The following TCF12 variants were observed in gnomAD, a reference collection of about 807,000 sequenced individuals.
TCF12 encodes DNA-binding protein HTF4.
A neutral mutation model predicts 86.0 loss-of-function variants in TCF12; 45 were observed. The observed-to-expected ratio is 0.52, with a 90% CI of 0.41 to 0.67. TCF12 has a LOEUF of 0.67. TCF12 is among the 30% of genes least tolerant of loss of function. The pLI is 0.00. For missense variants in TCF12, 881 were observed against 859.9 expected, an observed-to-expected ratio of 1.02 and a Z score of -0.31; for synonymous variants, 330 against 299.6, an observed-to-expected ratio of 1.10 and a Z score of -1.05.
chr15:57,210,062 T>C lies in TCF12; in HGVS notation c.579+12237T>C, dbSNP rs114889381. Reference sequence around the variant, plus strand: ...ACCTCCTCACTCTTTTCCTGATGTATTTTTCTCTACAGTACTTCATACAAT... The same window carrying C: ...ACCTCCTCACTCTTTTCCTGATGTACTTTTCTCTACAGTACTTCATACAAT... On this transcript the variant is annotated intron_variant, in intron 8 of 20. Transcript: ENST00000333725. Among the ~76,000 whole-genome samples the C allele has an allele frequency of 2.3e-3, 348 of 152,242 alleles. 6 individuals carry two copies. The highest frequency in any genetic ancestry group is 7.9e-3 in the African/African-American group (330 of 41,540).
chr15:56,968,116 C>G (rs1224593241), intron 3 of TCF12, among the ~76,000 whole-genome samples: 1 of 152,034 alleles, frequency 6.6e-6, no homozygotes, highest in Admixed American at 6.5e-5. Context: ...GCCACAACGC[C>G]TGGCTAATTT....
At chr15:57,032,240 A>G (rs150216710) in intron 3 of TCF12, among the ~76,000 whole-genome samples, 111 of 152,312 alleles carry the variant, frequency 7.3e-4, no homozygotes, top group African/African-American at 2.6e-3. Context: ...TAGACTTACC[A>G]TTGGATGGCA....
intron 3 of TCF12, among the ~76,000 whole-genome samples, chr15:57,022,594 A>G (rs995514248): frequency 3.9e-5 from 6 of 152,158 alleles, no homozygotes; most frequent in Admixed American, 1.3e-4. Context: ...TAATGGGATC[A>G]CTGGGTCAAA....
intron 13 of TCF12, chr15:57,247,345 A>G (rs2059912144): frequency 9.1e-6 from 6 of 656,214 alleles, no homozygotes; most frequent in Non-Finnish European, 1.7e-5. Flanking sequence ...CACCACAGCC[A>G]AAACTACCTC....
intron 4 of TCF12, among the ~76,000 whole-genome samples, chr15:57,077,369 G>GTA (rs2070190012): frequency 1.0e-5 from 1 of 97,646 alleles, no homozygotes; most frequent in Non-Finnish European, 1.8e-5. Flanking sequence ...GTGTGTGTGT[G>GTA]TGTGTATATA....
intron 5 of TCF12, among the ~76,000 whole-genome samples, chr15:57,094,392 T>C (rs1211477835): frequency 2.0e-5 from 3 of 152,196 alleles, no homozygotes; most frequent in Non-Finnish European, 4.4e-5. Context: ...GTGTAAACAA[T>C]CTGCACGACA....
chr15:57,020,694 G>A (rs2065425147), intron 3 of TCF12, among the ~76,000 whole-genome samples: 1 of 152,124 alleles, frequency 6.6e-6, no homozygotes, highest in African/African-American at 2.4e-5. Context: ...TGTTTAATTG[G>A]TTTATTTTTT....
rs572827761 is a variant in TCF12, at chr15:57,068,030, T to G, written c.222+4207T>G. Among the ~76,000 whole-genome samples the G allele has an allele frequency of 1.3e-3, 194 of 152,166 alleles. 1 individual carries two copies. The highest frequency in any genetic ancestry group is 4.4e-3 in the African/African-American group (181 of 41,422). On this transcript the variant is annotated intron_variant, in intron 4 of 20. Coordinates refer to ENST00000333725, the MANE Select transcript of TCF12 (RefSeq NM_207037.2). ...GTTCACTAAGGTGTTAATGACTTAC[T>G]CTAGTTTCAGATTTTTTTTTTCTCT...
chr15:57,254,002 A>C (rs1327134117), intron 16 of TCF12, among the ~76,000 whole-genome samples: 3 of 150,648 alleles, frequency 2.0e-5, no homozygotes, highest in African/African-American at 7.3e-5. Flanking sequence ...TCTTTTAAAA[A>C]AGTATGATAA....
At chr15:57,210,901 A>G (rs1240821317) in intron 8 of TCF12, among the ~76,000 whole-genome samples, 3 of 152,226 alleles carry the variant, frequency 2.0e-5, no homozygotes, top group African/African-American at 4.8e-5. Flanking sequence ...CAAAAGGAGC[A>G]AAGAAACAAG....
chr15:57,122,021 C>T (rs1165507878), intron 5 of TCF12, among the ~76,000 whole-genome samples: 2 of 149,294 alleles, frequency 1.3e-5, no homozygotes, highest in African/African-American at 4.9e-5. Flanking sequence ...ATTTAGCCAA[C>T]ATTTATTGTC....
rs1462402603 is a variant in TCF12, at chr15:57,232,425, C to T, written c.820C>T (p.Arg274Cys). The T allele has an allele frequency of 3.7e-6, 6 of 1,604,724 alleles. No individual in the cohort carries two copies. Among genetic ancestry groups the T allele is most frequent in the South Asian group, 1.1e-5 (1 of 89,034 alleles). The change falls in exon 10 of 21, where the codon CGC (arginine) becomes TGC (cysteine). Residue 274 changes from arginine (R) to cysteine (C), a missense_variant. Physicochemically the swap from Arg to Cys is radical, Grantham distance 180. This residue lies in a region of TCF12 where 766 missense variants were observed against 718.9 expected (regional missense o/e 1.07). Coordinates refer to ENST00000333725, the MANE Select transcript of TCF12 (RefSeq NM_207037.2). ...TTATGGCAACCTTCATTCACATGAC[C>T]GCTTGGTAGGCTATAACACGTGACT... is the stretch of plus-strand genomic sequence containing the variant. ...SSYGNLHSHD[R>C]LSYPPHSVSP...
At chr15:57,248,683 A>G (rs2059972370) in intron 13 of TCF12, among the ~76,000 whole-genome samples, 1 of 152,248 alleles carries the variant, frequency 6.6e-6, no homozygotes, top group Non-Finnish European at 1.5e-5. Context: ...GCATGCTTTA[A>G]CAAAGTGCGT....
intron 3 of TCF12, among the ~76,000 whole-genome samples, chr15:56,979,759 A>G (rs1044106199): frequency 2.6e-5 from 4 of 152,214 alleles, no homozygotes; most frequent in Admixed American, 1.3e-4. Flanking sequence ...GAGATTGTGC[A>G]TCAAAGTTCT....
chr15:57,262,251 A>G lies in TCF12; in HGVS notation c.1582+43A>G, dbSNP rs759816519. On this transcript the variant is annotated intron_variant, in intron 17 of 20. Coordinates refer to ENST00000333725, the MANE Select transcript of TCF12 (RefSeq NM_207037.2). ...TTTCAGAAATAATGCAGACAGAGAT[A>G]TCATTTGGAACACTGTCACCTTTCT... The G allele has an allele frequency of 5.2e-6, 7 of 1,345,392 alleles. No homozygotes were observed. The East Asian group carries it at 7.2e-5, about 14-fold the overall frequency. 83.3% of individuals were successfully genotyped at this position (1,345,392 alleles called of 1,614,324 possible). A position where few individuals can be genotyped will look rare whatever the true frequency, so the allele number is the denominator to read the frequency against.
At chr15:56,931,060 C>T (rs2140264897) in intron 3 of TCF12, among the ~76,000 whole-genome samples, 1 of 152,218 alleles carries the variant, frequency 6.6e-6, no homozygotes, top group East Asian at 1.9e-4. Flanking sequence ...TCTCCTCCTC[C>T]TCTCCCTCGT....
chr15:57,041,291 A>G (rs2066880739), intron 3 of TCF12, among the ~76,000 whole-genome samples: 1 of 152,170 alleles, frequency 6.6e-6, no homozygotes, highest in African/African-American at 2.4e-5. Flanking sequence ...AGTACGTTAA[A>G]ATTGGATGTT....
chr15:57,142,197 A>T (rs1312315497), intron 5 of TCF12, among the ~76,000 whole-genome samples: 1 of 152,206 alleles, frequency 6.6e-6, no homozygotes, highest in East Asian at 1.9e-4. Context: ...TAAAAGACCC[A>T]TTATCGCTAT....
In TCF12 at chr15:56,995,231, C is replaced by CTTTTTTTTTTTTTTTTTTTTTTT. The variant is rs557610511; in HGVS notation, c.149-68513_149-68491dup. ...AAGTCAGGTAATGTGATACCTGCAG[C>CTTTTTTTTTTTTTTTTTTTTTTT]TTTTTTTTTTTTTTTTTTTTTTTTT... On this transcript the variant is annotated intron_variant, in intron 3 of 20. Coordinates refer to ENST00000333725, the MANE Select transcript of TCF12 (RefSeq NM_207037.2). Among the ~76,000 whole-genome samples the CTTTTTTTTTTTTTTTTTTTTTTT allele has an allele frequency of 7.6e-4, 23 of 30,304 alleles. 4 individuals carry two copies. The highest frequency in any genetic ancestry group is 9.9e-4 in the African/African-American group (8 of 8,114). 19.9% of individuals were successfully genotyped at this position (30,304 alleles called of 152,430 possible).
Sources: gnomAD v4.1 joint callset for allele counts (sites outside exome capture counted in the v4.1 genomes callset) on GRCh38, gnomAD v4.1.1 for gene constraint, gnomAD v4.1.1 regional missense constraint, MANE v1.5 for transcripts, NCBI Gene and HGNC (gene_info 2026-07-23, HGNC 2026-07-21) for gene names.